The following PLCB4 variants were observed in gnomAD, a reference collection of about 807,000 sequenced individuals.
The protein encoded by PLCB4 is phospholipase C beta 4, also known as 1-phosphatidylinositol 4,5-bisphosphate phosphodiesterase beta-4.
Under a neutral mutation model 178.8 loss-of-function variants are expected in PLCB4, and 77 were observed. That is an observed-to-expected ratio of 0.43 (90% CI 0.36 to 0.52). PLCB4 has a LOEUF of 0.52. Ranked by LOEUF, PLCB4 falls within the 20% of genes least tolerant of loss-of-function variation. The pLI is 0.00. For missense variants in PLCB4, 1,024 were observed against 1,453.4 expected (o/e 0.70, Z 4.80); for synonymous variants, 496 against 490.8 (o/e 1.01, Z -0.14).
intron 2 of PLCB4, among the ~76,000 whole-genome samples, chr20:9,194,182 T>G (rs978696203): frequency 9.2e-5 from 14 of 152,224 alleles, no homozygotes; most frequent in African/African-American, 2.9e-4. Flanking sequence ...TGATTCCCAC[T>G]TCTTTGTTGG....
At chr20:9,224,572 C>T (rs190499373) in intron 3 of PLCB4, among the ~76,000 whole-genome samples, 1 of 152,298 alleles carries the variant, frequency 6.6e-6, no homozygotes, top group Admixed American at 6.5e-5. Context: ...CCTTACTGGT[C>T]TTACTGAAAA....
Position 9,415,641 on chromosome 20 carries a change from C to T in PLCB4, c.2052-4166C>T, listed in dbSNP as rs555767413. Among the ~76,000 whole-genome samples the T allele has an allele frequency of 8.5e-5, 13 of 152,322 alleles. 1 individual carries two copies. Among genetic ancestry groups the T allele is most frequent in the South Asian group, 4.1e-4 (2 of 4,828 alleles). ...GCTTTGGCCTTGTGCCTGTGCCTAC[C>T]GCACAGACCTAGATGTCTGGAATGA... On this transcript the variant is annotated intron_variant, in intron 25 of 39. Transcript: ENST00000378473.
At chr20:9,129,516 T>G (rs1327071949) in intron 2 of PLCB4, among the ~76,000 whole-genome samples, 3 of 152,188 alleles carry the variant, frequency 2.0e-5, no homozygotes, top group African/African-American at 4.8e-5. Flanking sequence ...ATAAACTTCT[T>G]GTTCTCAAAT....
chr20:9,367,195 C>T (rs2035860414), intron 9 of PLCB4, among the ~76,000 whole-genome samples: 1 of 152,156 alleles, frequency 6.6e-6, no homozygotes, highest in African/African-American at 2.4e-5. Flanking sequence ...CAATCACGAC[C>T]TAAAGTATCC....
intron 2 of PLCB4, among the ~76,000 whole-genome samples, chr20:9,104,767 C>T (rs1235885814): frequency 6.6e-6 from 1 of 151,986 alleles, no homozygotes; most frequent in Non-Finnish European, 1.5e-5. Flanking sequence ...CTCTTCACAT[C>T]CTAACATTCT....
At chr20:9,195,591 C>G (rs1408533608) in intron 2 of PLCB4, among the ~76,000 whole-genome samples, 1 of 152,078 alleles carries the variant, frequency 6.6e-6, no homozygotes, top group Non-Finnish European at 1.5e-5. Context: ...TCCATCATCT[C>G]CTGCTCTGCC....
intron 4 of PLCB4, among the ~76,000 whole-genome samples, chr20:9,320,197 C>A (rs2094944242): frequency 6.6e-6 from 1 of 152,174 alleles, no homozygotes; most frequent in Non-Finnish European, 1.5e-5. Context: ...GTGGATTATT[C>A]ATGAGTTTTC....
chr20:9,148,416 C>T (rs1019491481), intron 2 of PLCB4, among the ~76,000 whole-genome samples: 14 of 152,142 alleles, frequency 9.2e-5, no homozygotes, highest in Admixed American at 8.5e-4. Flanking sequence ...TGTTAGATGT[C>T]TCACAAAGGG....
At chr20:9,141,749 A>G (rs1485100392) in intron 2 of PLCB4, among the ~76,000 whole-genome samples, 1 of 152,120 alleles carries the variant, frequency 6.6e-6, no homozygotes, top group Non-Finnish European at 1.5e-5. Flanking sequence ...CAATCAGATA[A>G]GAAGGGAATA....
chr20:9,112,890 A>T (rs2024955), intron 2 of PLCB4, among the ~76,000 whole-genome samples: 1,454 of 114,792 alleles, frequency 0.013, 16 homozygotes, highest in African/African-American at 0.039. Flanking sequence ...TGCCCTTTTT[A>T]AAAAAAAATT....
intron 3 of PLCB4, among the ~76,000 whole-genome samples, chr20:9,276,346 C>T (rs986192049): frequency 2.0e-5 from 3 of 151,952 alleles, no homozygotes; most frequent in South Asian, 2.1e-4. Context: ...TGCCCAGATG[C>T]GATACAGCTA....
chr20:9,073,088 A>G (rs774725544), intron 1 of PLCB4, among the ~76,000 whole-genome samples: 51 of 152,186 alleles, frequency 3.4e-4, no homozygotes, highest in Non-Finnish European at 6.5e-4. Context: ...AGCTACGGAA[A>G]TACCCTTGGG....
chr20:9,151,361 G>C (rs922348634), intron 2 of PLCB4, among the ~76,000 whole-genome samples: 8 of 152,106 alleles, frequency 5.3e-5, no homozygotes, highest in African/African-American at 1.9e-4. Context: ...GGCTGATATG[G>C]TTTGGCTATG....
rs149256309 is a variant in PLCB4 at position 9,479,239 on chromosome 20, G to C, written c.*230G>C. The C allele has an allele frequency of 1.8e-3, 953 of 539,172 alleles. 7 individuals carry two copies. The highest frequency in any genetic ancestry group is 0.016 in the African/African-American group (859 of 52,612). The allele number at this position is 539,172 out of a possible 1,614,324, so 33.4% of individuals were successfully genotyped here. ...AAAAATTTACTATTCCAGTAAGGCA[G>C]AGTCCAACCATTGATAATACAACTT... On this transcript the variant is annotated 3_prime_UTR_variant, in exon 40 of 40. Transcript: ENST00000378473.
At chr20:9,229,323 A>G (rs1405542881) in intron 3 of PLCB4, among the ~76,000 whole-genome samples, 3 of 152,160 alleles carry the variant, frequency 2.0e-5, no homozygotes, top group African/African-American at 4.8e-5. Flanking sequence ...GTGTGCTTTC[A>G]GATCTATCAC....
intron 3 of PLCB4, among the ~76,000 whole-genome samples, chr20:9,270,058 T>TA (rs1346012425): frequency 6.6e-6 from 1 of 152,018 alleles, no homozygotes; most frequent in African/African-American, 2.4e-5. Flanking sequence ...AATACAGTAT[T>TA]AAAAAAATGG....
At chr20:9,251,028 T>C (rs375714058) in intron 3 of PLCB4, among the ~76,000 whole-genome samples, 1 of 152,212 alleles carries the variant, frequency 6.6e-6, no homozygotes, top group South Asian at 2.1e-4. Flanking sequence ...CAAACTGATA[T>C]AGCCACAGAA....
intron 30 of PLCB4, among the ~76,000 whole-genome samples, chr20:9,439,636 G>A (rs899665328): frequency 3.3e-5 from 5 of 152,188 alleles, no homozygotes; most frequent in African/African-American, 1.2e-4. Context: ...AGGAAATAAG[G>A]AGAAGGTCTG....
At chr20:9,364,716 T>C (rs1197609573) in intron 8 of PLCB4, among the ~76,000 whole-genome samples, 2 of 152,244 alleles carry the variant, frequency 1.3e-5, no homozygotes, top group Non-Finnish European at 2.9e-5. Flanking sequence ...ACAGAAACTT[T>C]ACTAAATCAT....
Sources: allele counts gnomAD v4.1 joint callset (sites outside exome capture counted in the v4.1 genomes callset), GRCh38; gene constraint gnomAD v4.1.1; transcripts MANE v1.5; gene names NCBI Gene and HGNC (gene_info 2026-07-23, HGNC 2026-07-21).